Variants in LEO1 observed in about 807,000 individuals in gnomAD.
LEO1 encodes the protein RNA polymerase-associated protein LEO1.
Under a neutral mutation model 80.4 loss-of-function variants are expected in LEO1, and 34 were observed. The ratio of observed to expected loss-of-function variants is 0.42; its 90% CI spans 0.32 to 0.56. LEO1 has a LOEUF of 0.56. LEO1 is among the 20% of genes least tolerant of loss of function. The probability of loss-of-function intolerance (pLI) is 0.10; values close to 1 mark genes in which losing one functional copy is unlikely to be tolerated. For missense variants in LEO1, 631 were observed against 814.2 expected, an observed-to-expected ratio of 0.77 and a Z score of 2.74; for synonymous variants, 262 against 274.9, an observed-to-expected ratio of 0.95 and a Z score of 0.46.
chr15:51,954,003 G>A (rs1295812689), intron 7 of LEO1, among the ~76,000 whole-genome samples: 6 of 150,466 alleles, frequency 4.0e-5, no homozygotes, highest in South Asian at 2.1e-4. Context: ...GCGCGATCTC[G>A]GCTTACTGCA....
At chr15:51,957,566 G>A (rs1250306542) in intron 6 of LEO1, among the ~76,000 whole-genome samples, 2 of 152,154 alleles carry the variant, frequency 1.3e-5, no homozygotes, top group Non-Finnish European at 2.9e-5. Context: ...TTTCCATTAA[G>A]AGGAGTAGTG....
intron 11 of LEO1, among the ~76,000 whole-genome samples, chr15:51,943,895 G>C (rs60700084): frequency 0.015 from 2,328 of 151,994 alleles, 68 homozygotes; most frequent in East Asian, 0.075. Flanking sequence ...AGACTTGATG[G>C]ATCGACAGAG....
chr15:51,942,931 A>AC (rs2056866712), intron 11 of LEO1, among the ~76,000 whole-genome samples: 1 of 150,444 alleles, frequency 6.6e-6, no homozygotes, highest in Admixed American at 6.6e-5. Flanking sequence ...CAAAAAAAAA[A>AC]AAAAAACCAA....
At chr15:51,960,130 C>T in intron 4 of LEO1, 86 bp from the exon 5 acceptor site, 1 of 1,075,054 alleles carries the variant, frequency 9.3e-7, no homozygotes. Flanking sequence ...CTCTGGGGTG[C>T]AAGAAACATA....
Position 51,965,729 on chromosome 15 carries a change from G to T in LEO1, c.814+20C>A, listed in dbSNP as rs766411607. 3.8e-6 allele frequency: 6 copies of T among 1,582,830 alleles called. No homozygotes were observed. In the African/African-American group the frequency reaches 5.4e-5, roughly 14 times the overall value. On this transcript the variant is annotated intron_variant, in intron 2 of 11. Coordinates refer to ENST00000299601, the MANE Select transcript of LEO1 (RefSeq NM_138792.4). Reference sequence around the variant, plus strand: ...TGAATGCTTCTTTCTGAGCCATTCTGGTTCTCATAAATGTATTACCTGATT... The same window carrying T: ...TGAATGCTTCTTTCTGAGCCATTCTTGTTCTCATAAATGTATTACCTGATT...
rs199977762 is a variant in LEO1 at position 51,954,506 on chromosome 15, G to A, written c.1315C>T (p.Arg439Trp). Reference protein sequence around the residue: ...EGNEIKESNARIVKWSDGSMS... With the variant: ...EGNEIKESNAWIVKWSDGSMS... ...CTTCCATCTGACCACTTGACTATCC[G>A]AGCATTGCTTTCTTTAATTTCATTT... Residue 439 changes from arginine to tryptophan, a missense_variant, in exon 7 of 12, where the codon CGG becomes TGG. By Grantham distance (101) the Arg-to-Trp change is moderately radical. This residue lies in a region of LEO1 where 95 missense variants were observed against 171.7 expected (regional missense o/e 0.55). Transcript: ENST00000299601. 1.6e-5 allele frequency: 26 copies of A among 1,613,274 alleles called. No individual in the cohort carries two copies. The highest frequency in any genetic ancestry group is 2.1e-5 in the Non-Finnish European group (25 of 1,179,328).
intron 2 of LEO1, among the ~76,000 whole-genome samples, chr15:51,963,133 G>A (rs1037508177): frequency 2.6e-5 from 4 of 152,120 alleles, no homozygotes; most frequent in African/African-American, 4.8e-5. Flanking sequence ...AAAATTAGCC[G>A]GGTGTGGTAG....
chr15:51,970,853 A>G (rs2057117107), intron 1 of LEO1, among the ~76,000 whole-genome samples: 1 of 152,188 alleles, frequency 6.6e-6, no homozygotes, highest in Admixed American at 6.6e-5. Context: ...TCATATTTCA[A>G]GTGCCCGTAG....
chr15:51,956,422 C>CAAA (rs34613118), intron 6 of LEO1, among the ~76,000 whole-genome samples: 7 of 78,500 alleles, frequency 8.9e-5, no homozygotes, highest in East Asian at 3.7e-4. Context: ...GACTCCATCT[C>CAAA]AAAAAAAAAA....
At position 51,962,478 on chromosome 15, in the gene LEO1, C is replaced by G. The variant is rs757017646; in HGVS notation, c.830G>C (p.Ser277Thr). The G allele has an allele frequency of 4.3e-6, 7 of 1,610,972 alleles. No homozygotes were observed. In the African/African-American group the frequency reaches 8.0e-5, roughly 18 times the overall value. The change falls in exon 3 of 12, where the codon AGT becomes ACT. Residue 277 changes from serine (S) to threonine (T), a missense_variant. Physicochemically the swap from Ser to Thr is moderately conservative, Grantham distance 58 (BLOSUM62 1). This residue lies in a region of LEO1 where 394 missense variants were observed against 395.6 expected (regional missense o/e 1.00). Coordinates refer to ENST00000299601, the MANE Select transcript of LEO1 (RefSeq NM_138792.4). ...QDHKSESARG[S>T]DSEDEVLRMK... is the part of the protein sequence containing the mutation. ...TCGTAAAACTTCATCTTCACTATCA[C>G]TGCCTCTTGCAGATTCTATAAGGGT...
At chr15:51,971,520 C>T (rs938356614) in intron 1 of LEO1, among the ~76,000 whole-genome samples, 168 bp downstream of exon 1, 2 of 152,192 alleles carry the variant, frequency 1.3e-5, no homozygotes, top group Admixed American at 6.5e-5. Flanking sequence ...TCTGACTCTC[C>T]ATCCTGCCCG....
At chr15:51,949,283 C>A (rs1003330002) in intron 10 of LEO1, among the ~76,000 whole-genome samples, 1 of 152,182 alleles carries the variant, frequency 6.6e-6, no homozygotes, top group Non-Finnish European at 1.5e-5. Flanking sequence ...GTATAACTGG[C>A]AAATTCTCAA....
chr15:51,954,483 T>C lies in LEO1; in HGVS notation c.1338A>G (p.Gly446=), dbSNP rs2056972796. Residue 446 remains glycine (G), a splice_region_variant and synonymous_variant, in exon 7 of 12, where the codon GGA becomes GGG. Transcript: ENST00000299601. ...SNARIVKWSD[G]SMSLHLGNEV... The stretch of plus-strand genomic sequence containing the variant: ...CCCTTCAGGCGTTTTGTGCTCACCT[T>C]CCATCTGACCACTTGACTATCCGAG... 1.2e-6 allele frequency: 2 copies of C among 1,606,086 alleles called. No homozygotes were observed. Among genetic ancestry groups the C allele is most frequent in the Non-Finnish European group, 1.7e-6 (2 of 1,172,754 alleles).
At chr15:51,950,034 C>T in intron 9 of LEO1, 40 bp from the exon 10 acceptor site, 1 of 1,540,964 alleles carries the variant, frequency 6.5e-7, no homozygotes, top group Non-Finnish European at 8.8e-7. Context: ...TAAAAAGGAG[C>T]TACTTTTGTG....
At chr15:51,957,819 G>A (rs1254107369) in intron 6 of LEO1, among the ~76,000 whole-genome samples, 2 of 152,058 alleles carry the variant, frequency 1.3e-5, no homozygotes, top group Admixed American at 1.3e-4. Flanking sequence ...TCAGGAGTTC[G>A]AGACCAACCT....
intron 11 of LEO1, chr15:51,947,070 C>T: frequency 2.0e-6 from 1 of 503,728 alleles, no homozygotes; most frequent in East Asian, 3.8e-5. Context: ...CAACACCCAG[C>T]AAGAAGTCTT....
At chr15:51,953,056 C>A in intron 8 of LEO1, 73 bp downstream of exon 8, 1 of 1,243,108 alleles carries the variant, frequency 8.0e-7, no homozygotes, top group Non-Finnish European at 1.1e-6. Flanking sequence ...AATCAGGTGG[C>A]AGGCATTACA....
In LEO1 at chr15:51,949,746, T is replaced by C. The variant is rs1434497707; in HGVS notation, c.1798+62A>G. Reference sequence around the variant, plus strand: ...AGTGACTTGGCAGCCGGATTACATCTAATGCCAAGATGAAGTCCAGAATCC... The same window carrying C: ...AGTGACTTGGCAGCCGGATTACATCCAATGCCAAGATGAAGTCCAGAATCC... On this transcript the variant is annotated intron_variant, in intron 10 of 11. Coordinates refer to ENST00000299601, the MANE Select transcript of LEO1 (RefSeq NM_138792.4). The C allele has an allele frequency of 2.2e-6, 3 of 1,343,098 alleles. No homozygotes were observed. In the African/African-American group the frequency reaches 4.4e-5, roughly 20 times the overall value. 83.2% of individuals were successfully genotyped at this position (1,343,098 alleles called of 1,614,324 possible).
intron 6 of LEO1, among the ~76,000 whole-genome samples, chr15:51,955,516 T>C (rs374114829): frequency 6.6e-5 from 10 of 152,144 alleles, no homozygotes; most frequent in Admixed American, 3.3e-4. Flanking sequence ...CAGGAAAACA[T>C]GGCATACTAA....
Sources: gnomAD v4.1 joint callset for allele counts (sites outside exome capture counted in the v4.1 genomes callset) on GRCh38, gnomAD v4.1.1 for gene constraint, gnomAD v4.1.1 regional missense constraint, MANE v1.5 for transcripts, NCBI Gene and HGNC (gene_info 2026-07-23, HGNC 2026-07-21) for gene names.